LRFN2: variants seen among roughly 807,000 people sequenced by gnomAD.
The protein encoded by LRFN2 is leucine rich repeat and fibronectin type III domain containing 2.
LRFN2 carries 18 observed loss-of-function variants against 37.3 expected under a neutral mutation model. That is an observed-to-expected ratio of 0.48 (90% CI 0.33 to 0.72). The LOEUF is 0.72. LRFN2 is among the 30% of genes least tolerant of loss of function. The pLI, the probability that LRFN2 is intolerant of heterozygous loss-of-function variation, is 0.02. For synonymous variants in LRFN2, 556 were observed against 466.6 expected, an observed-to-expected ratio of 1.19 and a Z score of -2.47; for missense variants, 1,006 against 1,060.7, an observed-to-expected ratio of 0.95 and a Z score of 0.72.
intron 1 of LRFN2, among the ~76,000 whole-genome samples, chr6:40,443,390 A>T (rs1215382808): frequency 6.6e-6 from 1 of 152,222 alleles, no homozygotes; most frequent in Non-Finnish European, 1.5e-5. Flanking sequence ...ACTCACATGC[A>T]TTAGCCAGCT....
intron 1 of LRFN2, among the ~76,000 whole-genome samples, chr6:40,580,038 G>A (rs1266471472): frequency 6.6e-6 from 1 of 152,204 alleles, no homozygotes; most frequent in Non-Finnish European, 1.5e-5. Flanking sequence ...AAGCACAGAA[G>A]CTATAGCCTC....
intron 2 of LRFN2, among the ~76,000 whole-genome samples, chr6:40,420,094 C>CT: frequency 6.6e-6 from 1 of 152,330 alleles, no homozygotes; most frequent in South Asian, 2.1e-4. Context: ...AGCATCAGCC[C>CT]CACAGCCGCA....
In LRFN2 at chr6:40,478,337, T is replaced by A. The variant is rs149107074; in HGVS notation, c.-18-45206A>T. On this transcript the variant is annotated intron_variant, in intron 1 of 2. Transcript: ENST00000338305. ...GACAAAAAGTGCTAATAATATTAAT[T>A]GCCACCATTATCACCACCACCATGG... Among the ~76,000 whole-genome samples the A allele has an allele frequency of 3.0e-4, 46 of 152,350 alleles. No homozygotes were observed. In the East Asian group the frequency reaches 7.1e-3, roughly 24 times the overall value.
At chr6:40,553,126 G>C (rs909327664) in intron 1 of LRFN2, among the ~76,000 whole-genome samples, 6 of 152,156 alleles carry the variant, frequency 3.9e-5, no homozygotes, top group African/African-American at 1.4e-4. Context: ...AGGTGGAGGA[G>C]GGCATGTTGC....
In LRFN2 at chr6:40,503,959, C is replaced by CA. The variant is rs200287327; in HGVS notation, c.-18-70829dup. Among the ~76,000 whole-genome samples the CA allele has an allele frequency of 8.9e-3, 1,046 of 118,102 alleles. 4 individuals are homozygous for CA. The highest frequency in any genetic ancestry group is 0.024 in the East Asian group (102 of 4,226). 77.5% of individuals were successfully genotyped at this position (118,102 alleles called of 152,430 possible). ...GGCTGGAGGAGTTATGGAATGGAGGCAAAAAAAAAAAAAGAGGCAATTCTA... is the reference window on the plus strand; with the variant it reads ...GGCTGGAGGAGTTATGGAATGGAGGCAAAAAAAAAAAAAAGAGGCAATTCTA... On this transcript the variant is annotated intron_variant, in intron 1 of 2. Coordinates refer to ENST00000338305, the MANE Select transcript of LRFN2 (RefSeq NM_020737.3).
chr6:40,496,068 C>T (rs539304790), intron 1 of LRFN2, among the ~76,000 whole-genome samples: 1 of 152,260 alleles, frequency 6.6e-6, no homozygotes, highest in South Asian at 2.1e-4. Context: ...TCCACCCATC[C>T]AGATGCTCAA....
chr6:40,532,323 A>T (rs980210196), intron 1 of LRFN2, among the ~76,000 whole-genome samples: 2 of 152,258 alleles, frequency 1.3e-5, no homozygotes, highest in Non-Finnish European at 2.9e-5. Context: ...CCTAGTGGTC[A>T]CACTCACCCA....
At chr6:40,399,426 C>CTTTTTTTT (rs61458320) in intron 2 of LRFN2, among the ~76,000 whole-genome samples, 1 of 134,406 alleles carries the variant, frequency 7.4e-6, no homozygotes, top group Non-Finnish European at 1.6e-5. Context: ...TTTTTCTTTT[C>CTTTTTTTT]TTTTTTTTTT....
At chr6:40,460,091 A>G (rs187121092) in intron 1 of LRFN2, among the ~76,000 whole-genome samples, 4 of 152,350 alleles carry the variant, frequency 2.6e-5, no homozygotes, top group Admixed American at 6.5e-5. Flanking sequence ...GGCTGCAACC[A>G]GGAGCGGTTG....
At chr6:40,414,776 A>G (rs1763058919) in intron 2 of LRFN2, among the ~76,000 whole-genome samples, 1 of 152,230 alleles carries the variant, frequency 6.6e-6, no homozygotes, top group Non-Finnish European at 1.5e-5. Context: ...CCAGAGGATG[A>G]CTTCAGTTAT....
At chr6:40,566,483 C>A (rs1767092591) in intron 1 of LRFN2, among the ~76,000 whole-genome samples, 1 of 152,054 alleles carries the variant, frequency 6.6e-6, no homozygotes, top group Admixed American at 6.6e-5. Flanking sequence ...TGGAACCAAC[C>A]CAAATGTCCA....
chr6:40,481,871 G>A (rs1581739087), intron 1 of LRFN2, among the ~76,000 whole-genome samples: 1 of 152,218 alleles, frequency 6.6e-6, no homozygotes, highest in Admixed American at 6.5e-5. Flanking sequence ...GTTGAAGATT[G>A]CTGAAATGCT....
chr6:40,502,190 G>A (rs1335934500), intron 1 of LRFN2: 2 of 152,244 alleles, frequency 1.3e-5, no homozygotes, highest in African/African-American at 4.8e-5. Context: ...CTTTGCTGGT[G>A]AAGAAGATGA....
intron 1 of LRFN2, among the ~76,000 whole-genome samples, chr6:40,435,078 GAGAGAGAGAGAGAC>G (rs1338999022): frequency 3.7e-5 from 5 of 136,500 alleles, no homozygotes; most frequent in Admixed American, 2.2e-4. Flanking sequence ...GAGAGAGAGA[GAGAGAGAGAGAGAC>G]AGAGAGATAA....
chr6:40,555,354 G>A (rs1295259981), intron 1 of LRFN2, among the ~76,000 whole-genome samples: 1 of 152,178 alleles, frequency 6.6e-6, no homozygotes, highest in Non-Finnish European at 1.5e-5. Context: ...CTCACCCACA[G>A]TAAGGAGGTG....
chr6:40,392,029 T>C lies in LRFN2; in HGVS notation c.2284A>G (p.Met762Val). 1 of 1,613,640 alleles carries C rather than the reference T, an allele frequency of 6.2e-7. No individual in the cohort carries two copies. Residue 762 changes from methionine (M) to valine (V), a missense_variant, in exon 3 of 3, where the codon ATG becomes GTG. Transcript: ENST00000338305. This position sits in a 1 kb window ranked among gnomAD's most constrained non-coding sequence, Gnocchi z 4.7. ...WTKRSLSVNG[M>V]LLPFEESDLV... is the part of the protein sequence containing the mutation. ...TCACTCTCCTCAAAGGGCAAGAGCA[T>C]GCCGTTGACAGAGAGGCTGCGCTTC...
intron 1 of LRFN2, among the ~76,000 whole-genome samples, chr6:40,440,156 A>G (rs568241148): frequency 6.6e-6 from 1 of 152,120 alleles, no homozygotes; most frequent in Admixed American, 6.5e-5. Context: ...AATAATGTCT[A>G]AAACATCAAA....
At position 40,525,888 on chromosome 6, in the gene LRFN2, C is replaced by T. The variant is rs378265; in HGVS notation, c.-19+61053G>A. On this transcript the variant is annotated intron_variant, in intron 1 of 2. Transcript: ENST00000338305. ...AGACACAGTCTTCCCCCAAGTTCTC[C>T]CCTTTCCATTTCTGTGCTGAAATGA... is the stretch of plus-strand genomic sequence containing the variant. 2.1e-3 allele frequency among the ~76,000 whole-genome samples: 313 copies of T among 152,270 alleles called. 2 individuals carry two copies. Among genetic ancestry groups the T allele is most frequent in the African/African-American group, 7.2e-3 (300 of 41,546 alleles).
chr6:40,416,061 T>G (rs1295174946), intron 2 of LRFN2, among the ~76,000 whole-genome samples: 2 of 152,180 alleles, frequency 1.3e-5, no homozygotes. Context: ...CAGGCTGGAG[T>G]GCAATGGCGG....
Sources: gnomAD v4.1 joint callset for allele counts (sites outside exome capture counted in the v4.1 genomes callset) on GRCh38, gnomAD v4.1.1 for gene constraint, Gnocchi (gnomAD v3.1) non-coding constraint, MANE v1.5 for transcripts, NCBI Gene and HGNC (gene_info 2026-07-23, HGNC 2026-07-21) for gene names.